The following SCN4B variants were observed in gnomAD, a reference collection of about 807,000 sequenced individuals.
The protein encoded by SCN4B is sodium voltage-gated channel beta subunit 4.
In SCN4B, 20 loss-of-function variants were observed where a neutral mutation model predicts 19.6. The ratio of observed to expected loss-of-function variants is 1.02; its 90% CI spans 0.72 to 1.48. SCN4B has a LOEUF of 1.48. Ranked by LOEUF, SCN4B falls within the 40% of genes most tolerant of loss-of-function variation. The pLI, the probability that SCN4B is intolerant of heterozygous loss-of-function variation, is 0.00. For missense variants in SCN4B, 271 were observed against 287.5 expected (o/e 0.94, Z 0.42); for synonymous variants, 127 against 122.8 (o/e 1.03, Z -0.22).
At position 118,145,198 on chromosome 11, in the gene SCN4B, C is replaced by T. The variant is rs1163822675; in HGVS notation, c.93G>A (p.Leu31=). 6.2e-7 allele frequency: 1 copy of T among 1,613,718 alleles called. No homozygotes were observed. The highest frequency in any genetic ancestry group is 8.5e-7 in the Non-Finnish European group (1 of 1,179,964). Residue 31 remains leucine, a synonymous_variant, in exon 2 of 5, where the codon CTG becomes CTA. Coordinates refer to ENST00000324727, the MANE Select transcript of SCN4B (RefSeq NM_174934.4). ...GLFLLPVTLS[L]EVSVGKATDI... ...CGGTGGCCTTTCCCACAGACACCTC[C>T]AGCGACAGGGTTACGGGGAGCAGGA...
In SCN4B at chr11:118,145,244, C is replaced by T; in HGVS notation, c.62-15G>A. 6.2e-7 allele frequency: 1 copy of T among 1,613,810 alleles called. No homozygotes were observed. Among genetic ancestry groups the T allele is most frequent in the Non-Finnish European group, 8.5e-7 (1 of 1,179,948 alleles). ...CAGGAAGAGGCCTGTGTAAGGAGCA[C>T]CGCCTCCCTTAATAAAACCCCACCA... On this transcript the variant is annotated splice_polypyrimidine_tract_variant and intron_variant, in intron 1 of 4. Coordinates refer to ENST00000324727, the MANE Select transcript of SCN4B (RefSeq NM_174934.4).
Position 118,141,350 on chromosome 11 carries a change from G to A in SCN4B, c.464-14C>T. On this transcript the variant is annotated splice_polypyrimidine_tract_variant and intron_variant, in intron 3 of 4. Transcript: ENST00000324727. ...CCACTTCTTCCACTGTGTGGCCCGA[G>A]TAGGGAGGAAAGGGAAGGCACAAAG... The A allele has an allele frequency of 6.2e-7, 1 of 1,612,214 alleles. No individual in the cohort carries two copies.
chr11:118,144,738 G>A (rs1948146274), intron 2 of SCN4B, among the ~76,000 whole-genome samples: 1 of 152,058 alleles, frequency 6.6e-6, no homozygotes. Flanking sequence ...AGCTTTCCAA[G>A]GCCTTTCTCT....
chr11:118,144,109 G>C (rs745827646), intron 2 of SCN4B, 48 bp from the exon 3 acceptor site: 1 of 1,333,154 alleles, frequency 7.5e-7, no homozygotes, highest in African/African-American at 1.4e-5. Flanking sequence ...AGAAAGAATC[G>C]GGGTCCTCAA....
At position 118,135,660 on chromosome 11, in the gene SCN4B, C is replaced by T; in HGVS notation, c.*1367G>A. 1 of 454,330 alleles carries T rather than the reference C, an allele frequency of 2.2e-6. No individual in the cohort carries two copies. Among genetic ancestry groups the T allele is most frequent in the Non-Finnish European group, 4.4e-6 (1 of 226,746 alleles). 28.1% of individuals were successfully genotyped at this position (454,330 alleles called of 1,614,324 possible). ...TCACTGGCCAATTCCAGCCTCATGGCCCCCTCTATGACCCTGGGGAGGGGA... is the reference window on the plus strand; with the variant it reads ...TCACTGGCCAATTCCAGCCTCATGGTCCCCTCTATGACCCTGGGGAGGGGA... On this transcript the variant is annotated 3_prime_UTR_variant, in exon 5 of 5. Transcript: ENST00000324727.
rs1422962469 is a variant in SCN4B at position 118,134,407 on chromosome 11, C to A, written c.*2620G>T. ...CTGAGGTTCCACTTGGGGAAGATAGCTTTGCCCATATACATCCTAGTGCAA... is the reference window on the plus strand; with the variant it reads ...CTGAGGTTCCACTTGGGGAAGATAGATTTGCCCATATACATCCTAGTGCAA... On this transcript the variant is annotated 3_prime_UTR_variant, in exon 5 of 5. Coordinates refer to ENST00000324727, the MANE Select transcript of SCN4B (RefSeq NM_174934.4). 2.2e-6 allele frequency: 1 copy of A among 454,128 alleles called. No homozygotes were observed. The highest frequency in any genetic ancestry group is 4.4e-6 in the Non-Finnish European group (1 of 226,808). The allele number at this position is 454,128 out of a possible 1,614,324, so 28.1% of individuals were successfully genotyped here.
At chr11:118,145,703 G>T (rs961277924) in intron 1 of SCN4B, 3 of 310,130 alleles carry the variant, frequency 9.7e-6, no homozygotes, top group Non-Finnish European at 1.9e-5. Context: ...CGAGGAGGGG[G>T]AAGAGCCGGG....
At chr11:118,149,992 CCA>C (rs1217604742) in intron 1 of SCN4B, among the ~76,000 whole-genome samples, 13 of 152,340 alleles carry the variant, frequency 8.5e-5, no homozygotes, top group African/African-American at 3.1e-4. Context: ...CCTCTCTTCT[CCA>C]CAGTCTCCTT....
At chr11:118,138,478 C>A (rs777457024) in intron 4 of SCN4B, among the ~76,000 whole-genome samples, 1 of 152,172 alleles carries the variant, frequency 6.6e-6, no homozygotes, top group Non-Finnish European at 1.5e-5. Flanking sequence ...TCGGATGGAT[C>A]CATCTCTCTC....
At position 118,134,025 on chromosome 11, in the gene SCN4B, C is replaced by A; in HGVS notation, c.*3002G>T. 2.2e-6 allele frequency: 1 copy of A among 454,720 alleles called. No individual in the cohort carries two copies. The highest frequency in any genetic ancestry group is 1.6e-5 in the South Asian group (1 of 64,476). The allele number at this position is 454,720 out of a possible 1,614,324, so 28.2% of individuals were successfully genotyped here. On this transcript the variant is annotated 3_prime_UTR_variant, in exon 5 of 5. Transcript: ENST00000324727. Reference sequence around the variant, plus strand: ...ACACTGCCTGCACACGCACACTCCACACAAGCACACCCCACCTCCTGCCAT... The same window carrying A: ...ACACTGCCTGCACACGCACACTCCAAACAAGCACACCCCACCTCCTGCCAT...
chr11:118,145,367 T>C (rs775881250), intron 1 of SCN4B, 138 bp from the exon 2 acceptor site: 7 of 1,538,340 alleles, frequency 4.6e-6, no homozygotes, highest in African/African-American at 1.4e-5. Flanking sequence ...GGAGGATGGC[T>C]GTCTACTCCA....
intron 3 of SCN4B, chr11:118,142,683 A>G (rs978474014): frequency 6.6e-5 from 10 of 152,228 alleles, no homozygotes; most frequent in African/African-American, 1.9e-4. Flanking sequence ...TTTGTTGAAC[A>G]GATGGATGAA....
Position 118,137,023 on chromosome 11 carries a change from G to C in SCN4B, c.*4C>G. On this transcript the variant is annotated 3_prime_UTR_variant, in exon 5 of 5. Transcript: ENST00000324727. Reference sequence around the variant, plus strand: ...CCCTGCAGCTGCTCAGCCCGAAGCAGGGCTCACACTTTTGAAGGTGGTTTC... The same window carrying C: ...CCCTGCAGCTGCTCAGCCCGAAGCACGGCTCACACTTTTGAAGGTGGTTTC... 6.2e-7 allele frequency: 1 copy of C among 1,607,704 alleles called. No homozygotes were observed. Among genetic ancestry groups the C allele is most frequent in the East Asian group, 2.2e-5 (1 of 44,838 alleles).
intron 4 of SCN4B, among the ~76,000 whole-genome samples, chr11:118,140,182 G>A (rs1316261230): frequency 1.3e-5 from 2 of 152,100 alleles, no homozygotes; most frequent in Non-Finnish European, 2.9e-5. Flanking sequence ...TAAGCTCCAC[G>A]CTTTTAGCCC....
At chr11:118,145,958 G>A (rs577795369) in intron 1 of SCN4B, among the ~76,000 whole-genome samples, 2 of 152,310 alleles carry the variant, frequency 1.3e-5, no homozygotes, top group African/African-American at 4.8e-5. Context: ...GACCGACGCG[G>A]GGCTTGGAGC....
In SCN4B at chr11:118,136,148, G is replaced by C; in HGVS notation, c.*879C>G. ...GAGTGCCCAGAGTGGCGATGGTCCT[G>C]CCATGCCAGGGGAGGGGCTGCCAGC... is the stretch of plus-strand genomic sequence containing the variant. On this transcript the variant is annotated 3_prime_UTR_variant, in exon 5 of 5. Transcript: ENST00000324727. 1 of 453,304 alleles carries C rather than the reference G, an allele frequency of 2.2e-6. No homozygotes were observed. The highest frequency in any genetic ancestry group is 1.6e-5 in the South Asian group (1 of 64,448). 28.1% of individuals were successfully genotyped at this position (453,304 alleles called of 1,614,324 possible). A position where few individuals can be genotyped will look rare whatever the true frequency, so the allele number is the denominator to read the frequency against.
Position 118,141,284 on chromosome 11 carries a change from C to A in SCN4B, c.516G>T (p.Gly172=). 6.2e-7 allele frequency: 1 copy of A among 1,612,592 alleles called. No homozygotes were observed. The highest frequency in any genetic ancestry group is 8.5e-7 in the Non-Finnish European group (1 of 1,179,996). Residue 172 remains glycine (G), a synonymous_variant, in exon 4 of 5, where the codon GGG becomes GGT. Transcript: ENST00000324727. ...VTLIILAVVG[G]VIGLLILILL... ...GGATGAGGATGAGGAGCCCGATGAC[C>A]CCGCCCACGACAGCCAGGATGATGA...
rs765359962 is a variant in SCN4B at position 118,152,619 on chromosome 11, G to C, written c.55C>G (p.Leu19Val). 5.6e-6 allele frequency: 9 copies of C among 1,612,632 alleles called. No homozygotes were observed. The highest frequency in any genetic ancestry group is 7.6e-6 in the Non-Finnish European group (9 of 1,179,206). Reference sequence around the variant, plus strand: ...CAAGCTGGGGCTGCCTTACCCAAAAGCCCAGTGCCCAGCCATCTCGCCGGG... The same window carrying C: ...CAAGCTGGGGCTGCCTTACCCAAAACCCCAGTGCCCAGCCATCTCGCCGGG... ...KAPARWLGTG[L>V]LGLFLLPVTL... The change falls in exon 1 of 5, where the codon CTT becomes GTT. Residue 19 changes from leucine to valine, a missense_variant. Transcript: ENST00000324727.
At chr11:118,145,396 A>C in intron 1 of SCN4B, 167 bp from the exon 2 acceptor site, 1 of 1,528,498 alleles carries the variant, frequency 6.5e-7, no homozygotes, top group Non-Finnish European at 8.7e-7. Flanking sequence ...CGCCTGGGCC[A>C]CCCTCCATCA....
Sources: gnomAD v4.1 joint callset for allele counts (sites outside exome capture counted in the v4.1 genomes callset) on GRCh38, gnomAD v4.1.1 for gene constraint, MANE v1.5 for transcripts, NCBI Gene and HGNC (gene_info 2026-07-23, HGNC 2026-07-21) for gene names.